Variants in RABGAP1L observed in about 807,000 individuals in gnomAD.
RABGAP1L encodes the protein RAB GTPase activating protein 1 like.
A neutral mutation model predicts 137.7 loss-of-function variants in RABGAP1L; 63 were observed. That is an observed-to-expected ratio of 0.46 (90% CI 0.37 to 0.56). RABGAP1L has a LOEUF of 0.56. RABGAP1L is among the 20% of genes least tolerant of loss of function. The pLI, the probability that RABGAP1L is intolerant of heterozygous loss-of-function variation, is 0.00. For missense variants in RABGAP1L, 1,095 were observed against 1,244.0 expected (o/e 0.88, Z 1.80); for synonymous variants, 431 against 433.7 (o/e 0.99, Z 0.08).
chr1:174,494,700 C>T (rs757199863), intron 13 of RABGAP1L, among the ~76,000 whole-genome samples: 2 of 152,168 alleles, frequency 1.3e-5, no homozygotes, highest in Non-Finnish European at 2.9e-5. Context: ...AACCACTTTT[C>T]TCTCATCTTC....
intron 17 of RABGAP1L, among the ~76,000 whole-genome samples, chr1:174,706,749 ACT>A (rs752427266): frequency 6.6e-6 from 1 of 152,080 alleles, no homozygotes; most frequent in East Asian, 1.9e-4. Flanking sequence ...CAGTAACTAC[ACT>A]CTGAAAAGTA....
At chr1:174,460,166 T>C (rs1286446757) in intron 13 of RABGAP1L, among the ~76,000 whole-genome samples, 1 of 152,132 alleles carries the variant, frequency 6.6e-6, no homozygotes, top group Non-Finnish European at 1.5e-5. Flanking sequence ...AAGGATGAGT[T>C]ATAGCAAATC....
chr1:174,621,546 AC>A (rs1557914117), intron 13 of RABGAP1L, among the ~76,000 whole-genome samples: 1 of 152,134 alleles, frequency 6.6e-6, no homozygotes, highest in African/African-American at 2.4e-5. Flanking sequence ...CAGAAGTAAC[AC>A]GGCATATCTA....
Position 174,270,545 on chromosome 1 carries a change from A to G in RABGAP1L, c.987-1869A>G, listed in dbSNP as rs540443344. On this transcript the variant is annotated intron_variant, in intron 7 of 25. Coordinates refer to ENST00000681986, the MANE Select transcript of RABGAP1L (RefSeq NM_001366446.1). ...AAAAGCCCAGACAGACTTTATCTCT[A>G]CATAATGCATACATGTAAGAAATCT... Among the ~76,000 whole-genome samples the G allele has an allele frequency of 2.0e-4, 31 of 152,214 alleles. No individual in the cohort carries two copies. The South Asian group carries it at 6.4e-3, about 32-fold the overall frequency.
At chr1:174,534,634 G>T (rs1664737847) in intron 13 of RABGAP1L, among the ~76,000 whole-genome samples, 1 of 151,614 alleles carries the variant, frequency 6.6e-6, no homozygotes, top group Non-Finnish European at 1.5e-5. Flanking sequence ...AATTAGCCGG[G>T]CATGGTGTCA....
chr1:174,709,698 A>C (rs1237801092), intron 17 of RABGAP1L, among the ~76,000 whole-genome samples: 1 of 152,244 alleles, frequency 6.6e-6, no homozygotes, highest in African/African-American at 2.4e-5. Context: ...GACCAAAGAT[A>C]GATAAATCCA....
intron 19 of RABGAP1L, among the ~76,000 whole-genome samples, chr1:174,952,839 C>T (rs924619750): frequency 6.6e-6 from 1 of 151,996 alleles, no homozygotes; most frequent in Non-Finnish European, 1.5e-5. Context: ...ATCCACCCAC[C>T]TTGACTTCCC....
intron 17 of RABGAP1L, among the ~76,000 whole-genome samples, chr1:174,725,452 A>G (rs1026813460): frequency 2.0e-5 from 3 of 152,214 alleles, no homozygotes; most frequent in African/African-American, 7.2e-5. Flanking sequence ...GTTTACTTCC[A>G]AAATATGGTT....
intron 18 of RABGAP1L, among the ~76,000 whole-genome samples, chr1:174,807,352 A>G (rs1689411099): frequency 6.6e-6 from 1 of 152,212 alleles, no homozygotes; most frequent in Non-Finnish European, 1.5e-5. Flanking sequence ...TTGAAAAAGT[A>G]TTCTTTTAAA....
chr1:174,528,209 T>C (rs1038588953), intron 13 of RABGAP1L, among the ~76,000 whole-genome samples: 1 of 152,208 alleles, frequency 6.6e-6, no homozygotes, highest in South Asian at 2.1e-4. Flanking sequence ...GGTTCTTTTC[T>C]ATATTTTTTG....
chr1:174,662,208 A>T (rs558967137), intron 14 of RABGAP1L, among the ~76,000 whole-genome samples: 1 of 145,360 alleles, frequency 6.9e-6, no homozygotes, highest in African/African-American at 2.6e-5. Context: ...GGTTCATGCA[A>T]TTTTCCTGCC....
intron 17 of RABGAP1L, among the ~76,000 whole-genome samples, chr1:174,725,926 A>G (rs1046161690): frequency 6.6e-6 from 1 of 152,158 alleles, no homozygotes; most frequent in African/African-American, 2.4e-5. Flanking sequence ...ATGTATACAT[A>G]TGTAACAAAC....
intron 4 of RABGAP1L, among the ~76,000 whole-genome samples, chr1:174,240,836 G>C (rs903515511): frequency 5.3e-5 from 8 of 152,152 alleles, no homozygotes; most frequent in Admixed American, 3.9e-4. Flanking sequence ...GATGTTACCA[G>C]GCACGTATAC....
intron 13 of RABGAP1L, among the ~76,000 whole-genome samples, chr1:174,589,457 A>C (rs188785539): frequency 4.6e-5 from 7 of 152,136 alleles, no homozygotes; most frequent in Admixed American, 3.3e-4. Flanking sequence ...TAACTTGTTA[A>C]CTTGATATGA....
chr1:174,305,833 G>A (rs1234475367), intron 11 of RABGAP1L, among the ~76,000 whole-genome samples: 1 of 151,540 alleles, frequency 6.6e-6, no homozygotes, highest in African/African-American at 2.4e-5. Flanking sequence ...TGTTACATAT[G>A]TATACATGTG....
In RABGAP1L at chr1:174,305,092, G is replaced by A; in HGVS notation, c.1430G>A (p.Gly477Asp). 1.3e-6 allele frequency: 2 copies of A among 1,549,224 alleles called. No individual in the cohort carries two copies. ...CCAGTCACTCCTACTAGTGGAGGGG[G>A]TCCAATGTCACCCCAGGATGATGAA... ...EEPVTPTSGG[G>D]PMSPQDDEAE... The change falls in exon 11 of 26, where the codon GGT (glycine) becomes GAT (aspartate). Residue 477 changes from glycine (G) to aspartate (D), a missense_variant. Coordinates refer to ENST00000681986, the MANE Select transcript of RABGAP1L (RefSeq NM_001366446.1).
At chr1:174,517,447 A>C (rs764533005) in intron 13 of RABGAP1L, among the ~76,000 whole-genome samples, 1 of 152,160 alleles carries the variant, frequency 6.6e-6, no homozygotes, top group Non-Finnish European at 1.5e-5. Flanking sequence ...GTGATAAAAC[A>C]TTATAGATCT....
intron 5 of RABGAP1L, among the ~76,000 whole-genome samples, chr1:174,247,456 C>T (rs1672361581): frequency 6.6e-6 from 1 of 152,138 alleles, no homozygotes; most frequent in African/African-American, 2.4e-5. Context: ...GAAAAGGGAT[C>T]CTTGGGAAAT....
intron 19 of RABGAP1L, among the ~76,000 whole-genome samples, chr1:174,944,336 G>A (rs1666399033): frequency 7.0e-6 from 1 of 142,872 alleles, no homozygotes; most frequent in East Asian, 2.1e-4. Flanking sequence ...AAGCTAAAAA[G>A]TTGATGTATA....
Sources: gnomAD v4.1 joint callset for allele counts (sites outside exome capture counted in the v4.1 genomes callset) on GRCh38, gnomAD v4.1.1 for gene constraint, MANE v1.5 for transcripts, NCBI Gene and HGNC (gene_info 2026-07-23, HGNC 2026-07-21) for gene names.